The following CREM variants were observed in gnomAD, a reference collection of about 807,000 sequenced individuals.
CREM encodes cAMP-responsive element modulator.
In CREM, 13 loss-of-function variants were observed where a neutral mutation model predicts 37.3. The observed-to-expected ratio is 0.35, with a 90% CI of 0.23 to 0.55. The LOEUF (loss-of-function observed/expected upper bound fraction) is 0.55, where lower values mean the gene tolerates loss of function less well. Ranked by LOEUF, CREM falls within the 20% of genes least tolerant of loss-of-function variation. The pLI is 0.88. For synonymous variants in CREM, 124 were observed against 120.2 expected (o/e 1.03, Z -0.21); for missense variants, 296 against 362.3 (o/e 0.82, Z 1.49).
At chr10:35,186,731 ATTATATATAG>A (rs1402487595) in intron 5 of CREM, among the ~76,000 whole-genome samples, 1 of 135,090 alleles carries the variant, frequency 7.4e-6, no homozygotes, top group African/African-American at 2.7e-5. Context: ...ACTATATATA[ATTATATATAG>A]TTATAATTAT....
At chr10:35,160,071 G>A (rs1358994894) in intron 3 of CREM, among the ~76,000 whole-genome samples, 1 of 151,616 alleles carries the variant, frequency 6.6e-6, no homozygotes, top group African/African-American at 2.4e-5. Flanking sequence ...TCATCTTTGT[G>A]CAAACATCTA....
intron 3 of CREM, chr10:35,154,239 A>G (rs944309670): frequency 1.5e-5 from 6 of 393,510 alleles, no homozygotes; most frequent in South Asian, 1.4e-4. Context: ...AGCTATGCCA[A>G]AAATCTTCTT....
intron 6 of CREM, among the ~76,000 whole-genome samples, chr10:35,200,586 T>G (rs1280120710): frequency 6.6e-6 from 1 of 152,192 alleles, no homozygotes; most frequent in Non-Finnish European, 1.5e-5. Flanking sequence ...GGAACGTTTT[T>G]GGCAGTGTGG....
chr10:35,182,715 G>A (rs2094403088), intron 5 of CREM, among the ~76,000 whole-genome samples: 1 of 152,184 alleles, frequency 6.6e-6, no homozygotes, highest in African/African-American at 2.4e-5. Flanking sequence ...GGAATAGGCT[G>A]CTCCCTGGGG....
At chr10:35,195,196 G>T (rs376615096) in intron 6 of CREM, 147 of 1,613,862 alleles carry the variant, frequency 9.1e-5, no homozygotes, top group Non-Finnish European at 1.2e-4. Flanking sequence ...CATTATGGCT[G>T]TAACTGGAGA....
At chr10:35,193,964 G>A (rs559463588) in intron 6 of CREM, among the ~76,000 whole-genome samples, 1 of 151,902 alleles carries the variant, frequency 6.6e-6, no homozygotes, top group African/African-American at 2.4e-5. Context: ...GCCAGGCATG[G>A]TGGGCACCTG....
chr10:35,177,018 C>T (rs2094124354), intron 3 of CREM, among the ~76,000 whole-genome samples: 1 of 151,582 alleles, frequency 6.6e-6, no homozygotes, highest in South Asian at 2.1e-4. Context: ...TATTTTTGTT[C>T]ATTTTTAAGG....
intron 3 of CREM, among the ~76,000 whole-genome samples, chr10:35,163,019 TGGGTCAA>T (rs2093369185): frequency 6.6e-6 from 1 of 150,866 alleles, no homozygotes; most frequent in Non-Finnish European, 1.5e-5. Context: ...AAGACCAGCC[TGGGTCAA>T]GGTAAGACTC....
At chr10:35,195,499 C>T (rs1284988658) in intron 6 of CREM, among the ~76,000 whole-genome samples, 1 of 151,854 alleles carries the variant, frequency 6.6e-6, no homozygotes, top group Admixed American at 6.6e-5. Context: ...CTCCTCTTCT[C>T]TTCCCCTCTC....
chr10:35,129,036 T>C (rs1047937436), intron 1 of CREM, among the ~76,000 whole-genome samples: 1 of 152,220 alleles, frequency 6.6e-6, no homozygotes, highest in Admixed American at 6.5e-5. Context: ...ATTAAAATGG[T>C]TTTGATCCTG....
In CREM at chr10:35,137,828, T is replaced by A. The variant is rs530192692; in HGVS notation, c.-8T>A. The A allele has an allele frequency of 3.8e-5, 60 of 1,568,538 alleles. No homozygotes were observed. In the African/African-American group the frequency reaches 7.8e-4, roughly 20 times the overall value. On this transcript the variant is annotated 5_prime_UTR_variant, in exon 2 of 8. Coordinates refer to ENST00000685392, the MANE Select transcript of CREM (RefSeq NM_183011.2). Reference sequence around the variant, plus strand: ...AGGAGGAAAGCATTGATTACAAATATCTTAACAATGAGCAAATGTGCAAGG... The same window carrying A: ...AGGAGGAAAGCATTGATTACAAATAACTTAACAATGAGCAAATGTGCAAGG...
At chr10:35,197,015 GC>G (rs2095211872) in intron 6 of CREM, among the ~76,000 whole-genome samples, 1 of 151,802 alleles carries the variant, frequency 6.6e-6, no homozygotes, top group South Asian at 2.1e-4. Flanking sequence ...GACTACAGGC[GC>G]CCGCCTAATT....
chr10:35,197,712 G>A (rs1180719349), intron 6 of CREM, among the ~76,000 whole-genome samples: 4 of 152,212 alleles, frequency 2.6e-5, no homozygotes, highest in Non-Finnish European at 5.9e-5. Flanking sequence ...CTGCCTCGGC[G>A]TCCCAAAGTG....
intron 6 of CREM, chr10:35,195,312 C>A: frequency 7.1e-7 from 1 of 1,401,276 alleles, no homozygotes; most frequent in Non-Finnish European, 1.0e-6. Flanking sequence ...AAGTGTTACT[C>A]TCCTAGTCAC....
intron 3 of CREM, among the ~76,000 whole-genome samples, chr10:35,176,299 A>G (rs1278266767): frequency 2.6e-5 from 4 of 151,938 alleles, no homozygotes; most frequent in African/African-American, 4.8e-5. Flanking sequence ...TTATTTAGCA[A>G]TGCTCCCCAA....
At chr10:35,169,776 T>G (rs1320413037) in intron 3 of CREM, among the ~76,000 whole-genome samples, 1 of 152,098 alleles carries the variant, frequency 6.6e-6, no homozygotes, top group Non-Finnish European at 1.5e-5. Flanking sequence ...CATCAATACC[T>G]AATTTATTGA....
At chr10:35,193,051 C>T (rs2094986483) in intron 6 of CREM, among the ~76,000 whole-genome samples, 1 of 152,200 alleles carries the variant, frequency 6.6e-6, no homozygotes, top group Non-Finnish European at 1.5e-5. Context: ...CCCGAGGAAG[C>T]CTTGCCCATC....
At chr10:35,202,445 A>T (rs1353485862) in intron 6 of CREM, among the ~76,000 whole-genome samples, 3 of 152,196 alleles carry the variant, frequency 2.0e-5, no homozygotes, top group Non-Finnish European at 4.4e-5. Flanking sequence ...TTTAAGAGAC[A>T]AGGTCTTGCT....
intron 6 of CREM, among the ~76,000 whole-genome samples, chr10:35,197,416 CTTTATTTATTTATTTA>C (rs202009348): frequency 0.015 from 2,138 of 142,780 alleles, 30 homozygotes; most frequent in African/African-American, 0.028. Context: ...TTTCATTTTA[CTTTATTTATTTATTTA>C]TTTATTTATT....
Sources: gnomAD v4.1 joint callset for allele counts (sites outside exome capture counted in the v4.1 genomes callset) on GRCh38, gnomAD v4.1.1 for gene constraint, MANE v1.5 for transcripts, NCBI Gene and HGNC (gene_info 2026-07-23, HGNC 2026-07-21) for gene names.